DPYD: variants seen among roughly 807,000 people sequenced by gnomAD.
DPYD encodes dihydropyrimidine dehydrogenase [NADP(+)].
A neutral mutation model predicts 116.2 loss-of-function variants in DPYD; 109 were observed. That is an observed-to-expected ratio of 0.94 (90% CI 0.80 to 1.10). DPYD has a LOEUF of 1.10. DPYD is among the 50% of genes least tolerant of loss of function. The probability of loss-of-function intolerance (pLI) is 0.00; values close to 1 mark genes in which losing one functional copy is unlikely to be tolerated. For missense variants in DPYD, 1,302 were observed against 1,254.5 expected (o/e 1.04, Z -0.57); for synonymous variants, 440 against 432.0 (o/e 1.02, Z -0.23).
intron 15 of DPYD, among the ~76,000 whole-genome samples, chr1:97,375,950 C>T (rs886999273): frequency 6.6e-6 from 1 of 152,132 alleles, no homozygotes; most frequent in African/African-American, 2.4e-5. Context: ...TTACATTATG[C>T]ATATTTCATT....
chr1:97,718,146 T>G (rs1466525143), intron 5 of DPYD, among the ~76,000 whole-genome samples: 1 of 152,042 alleles, frequency 6.6e-6, no homozygotes, highest in Non-Finnish European at 1.5e-5. Flanking sequence ...TTTTGATTTT[T>G]AAATTATGAT....
In DPYD at chr1:97,883,254, T is replaced by G; in HGVS notation, c.150+10A>C. On this transcript the variant is annotated intron_variant, in intron 2 of 22. Transcript: ENST00000370192. ...TTTTCAGCATGAAATAGTGTATCAG[T>G]GGTACTTACAAAGCAGTTCTTATCA... 6.4e-7 allele frequency: 1 copy of G among 1,571,150 alleles called. No homozygotes were observed.
chr1:97,897,242 T>C (rs1288312579), intron 1 of DPYD, among the ~76,000 whole-genome samples: 1 of 151,932 alleles, frequency 6.6e-6, no homozygotes, highest in Non-Finnish European at 1.5e-5. Flanking sequence ...TTGCATTATT[T>C]CCAACAATAA....
chr1:97,437,937 T>A (rs1201957486), intron 14 of DPYD, among the ~76,000 whole-genome samples: 1 of 152,054 alleles, frequency 6.6e-6, no homozygotes, highest in Non-Finnish European at 1.5e-5. Context: ...TACTTTCTTG[T>A]TGCATAAGAA....
intron 8 of DPYD, among the ~76,000 whole-genome samples, chr1:97,639,448 G>C (rs1253935778): frequency 6.6e-6 from 1 of 151,932 alleles, no homozygotes; most frequent in Non-Finnish European, 1.5e-5. Context: ...TTTTGTGTGT[G>C]TATTTTCAGT....
At chr1:97,110,974 C>T (rs1333230902) in intron 20 of DPYD, among the ~76,000 whole-genome samples, 1 of 151,748 alleles carries the variant, frequency 6.6e-6, no homozygotes, top group Non-Finnish European at 1.5e-5. Flanking sequence ...TTGAGACCAG[C>T]CTGGGCAACA....
At chr1:97,515,650 A>C (rs1362389037) in intron 13 of DPYD, 76 bp downstream of exon 13, 8 of 1,318,916 alleles carry the variant, frequency 6.1e-6, no homozygotes, top group Non-Finnish European at 8.4e-6. Context: ...TAGTAAAAAA[A>C]ATCCATTATA....
At chr1:97,830,956 C>G (rs1301729410) in intron 2 of DPYD, among the ~76,000 whole-genome samples, 2 of 151,998 alleles carry the variant, frequency 1.3e-5, no homozygotes, top group African/African-American at 4.8e-5. Context: ...AATGGGAAAC[C>G]CAAAATGAGT....
chr1:97,624,678 A>G lies in DPYD; in HGVS notation c.851-29512T>C, dbSNP rs189640715. Among the ~76,000 whole-genome samples, 7 of 152,172 alleles carry G rather than the reference A, an allele frequency of 4.6e-5. No homozygotes were observed. In the East Asian group the frequency reaches 1.4e-3, roughly 29 times the overall value. Reference sequence around the variant, plus strand: ...ATGTCTGCACCCCCATGTTTATTACAGCACTATTCACAATAGCTAAACTTT... The same window carrying G: ...ATGTCTGCACCCCCATGTTTATTACGGCACTATTCACAATAGCTAAACTTT... On this transcript the variant is annotated intron_variant, in intron 8 of 22. Transcript: ENST00000370192.
rs539561592 is a variant in DPYD at position 97,402,551 on chromosome 1, T to C, written c.1906-20090A>G. ...TTCTGATTTTCTATGTACACAATAA[T>C]GTCATCTGCAAAAACAGTTTAGTTT... is the stretch of plus-strand genomic sequence containing the variant. On this transcript the variant is annotated intron_variant, in intron 14 of 22. Transcript: ENST00000370192. 2.6e-5 allele frequency among the ~76,000 whole-genome samples: 4 copies of C among 152,216 alleles called. No individual in the cohort carries two copies. The South Asian group carries it at 6.2e-4, about 24-fold the overall frequency.
intron 18 of DPYD, among the ~76,000 whole-genome samples, chr1:97,293,974 A>G (rs1666370028): frequency 6.6e-6 from 1 of 152,040 alleles, no homozygotes; most frequent in South Asian, 2.1e-4. Flanking sequence ...TCCAATCACT[A>G]AATGCTCCTG....
At chr1:97,462,206 T>C (rs1375715366) in intron 13 of DPYD, among the ~76,000 whole-genome samples, 1 of 152,204 alleles carries the variant, frequency 6.6e-6, no homozygotes, top group Non-Finnish European at 1.5e-5. Context: ...TTTCAGCCAT[T>C]ACTACAGAAA....
At chr1:97,460,534 T>C (rs1239809832) in intron 13 of DPYD, among the ~76,000 whole-genome samples, 1 of 152,118 alleles carries the variant, frequency 6.6e-6, no homozygotes, top group Non-Finnish European at 1.5e-5. Context: ...ATATGCTGAG[T>C]ACTTTGAACT....
chr1:97,308,365 A>G (rs559552135), intron 16 of DPYD: 2 of 151,926 alleles, frequency 1.3e-5, no homozygotes, highest in East Asian at 3.9e-4. Context: ...GTGTTCACAT[A>G]TATTTTTCTC....
At chr1:97,095,509 G>A (rs1161190065) in intron 21 of DPYD, among the ~76,000 whole-genome samples, 1 of 151,690 alleles carries the variant, frequency 6.6e-6, no homozygotes, top group Non-Finnish European at 1.5e-5. Flanking sequence ...AACTAGATGG[G>A]GTAAATACTG....
At chr1:97,373,478 C>T in intron 16 of DPYD, 83 bp downstream of exon 16, 46 of 1,199,964 alleles carry the variant, frequency 3.8e-5, no homozygotes, top group Non-Finnish European at 5.5e-5. Context: ...CATGCATCTC[C>T]TTGCCTAAGG....
intron 18 of DPYD, chr1:97,265,621 T>C (rs1404673708): frequency 2.6e-5 from 4 of 152,246 alleles, no homozygotes; most frequent in African/African-American, 7.2e-5. Context: ...TTGAATGTGG[T>C]AGAATTTGTG....
At chr1:97,775,967 G>A (rs1666382826) in intron 3 of DPYD, among the ~76,000 whole-genome samples, 1 of 151,926 alleles carries the variant, frequency 6.6e-6, no homozygotes, top group Non-Finnish European at 1.5e-5. Flanking sequence ...CTTACGGTGG[G>A]TGCATATTAG....
intron 16 of DPYD, among the ~76,000 whole-genome samples, chr1:97,314,035 A>G (rs1667667848): frequency 6.6e-6 from 1 of 152,010 alleles, no homozygotes; most frequent in South Asian, 2.1e-4. Flanking sequence ...AGCTGGAGAT[A>G]CAGGATATTA....
Sources: gnomAD v4.1 joint callset for allele counts (sites outside exome capture counted in the v4.1 genomes callset) on GRCh38, gnomAD v4.1.1 for gene constraint, MANE v1.5 for transcripts, NCBI Gene and HGNC (gene_info 2026-07-23, HGNC 2026-07-21) for gene names.